The following ZNF831 variants were observed in gnomAD, a reference collection of about 807,000 sequenced individuals.
The protein encoded by ZNF831 is zinc finger protein 831.
Under a neutral mutation model 95.8 loss-of-function variants are expected in ZNF831, and 59 were observed. The ratio of observed to expected loss-of-function variants is 0.62; its 90% confidence interval spans 0.50 to 0.77. The LOEUF is 0.77. Ranked by LOEUF, ZNF831 falls within the 30% of genes least tolerant of loss-of-function variation. The pLI, the probability that ZNF831 is intolerant of heterozygous loss-of-function variation, is 0.00. For missense variants in ZNF831, 2,205 were observed against 2,164.0 expected (o/e 1.02, Z -0.38); for synonymous variants, 961 against 925.5 (o/e 1.04, Z -0.70).
At position 59,254,475 on chromosome 20, in the gene ZNF831, T is replaced by A. The variant is rs1988078738; in HGVS notation, c.4766T>A (p.Phe1589Tyr). 1.2e-6 allele frequency: 2 copies of A among 1,614,158 alleles called. No individual in the cohort carries two copies. The highest frequency in any genetic ancestry group is 2.2e-5 in the South Asian group (2 of 91,074). ...CACAAGGAAGGGAGACACAAGACGT[T>A]TTTTCCTTCCAGAGGCCAGTATGGG... The part of the protein sequence containing the change: ...SHHKEGRHKT[F>Y]FPSRGQYGCG... The change falls in exon 6 of 6, where the codon TTT (phenylalanine) becomes TAT (tyrosine). Residue 1589 changes from phenylalanine to tyrosine, a missense_variant. Transcript: ENST00000371030. The surrounding 1 kb of genome is among the most constrained non-coding windows in gnomAD (Gnocchi z 4.5).
At chr20:59,245,941 A>AC (rs1331683464) in intron 4 of ZNF831, among the ~76,000 whole-genome samples, 1 of 152,206 alleles carries the variant, frequency 6.6e-6, no homozygotes, top group African/African-American at 2.4e-5. Context: ...TTACCTAATT[A>AC]CACACACATA....
chr20:59,238,385 G>T (rs965886732), intron 4 of ZNF831, among the ~76,000 whole-genome samples: 2 of 152,116 alleles, frequency 1.3e-5, no homozygotes, highest in African/African-American at 2.4e-5. Flanking sequence ...AGTGCATCTC[G>T]ATTTCTCTCT....
chr20:59,126,276 G>A (rs570249014), intron 1 of ZNF831, among the ~76,000 whole-genome samples: 16 of 152,216 alleles, frequency 1.1e-4, no homozygotes, highest in African/African-American at 3.6e-4. Context: ...ATAACTTGCT[G>A]TAGGAACTCT....
At chr20:59,211,688 A>G (rs1985341514) in intron 4 of ZNF831, among the ~76,000 whole-genome samples, 1 of 152,158 alleles carries the variant, frequency 6.6e-6, no homozygotes, top group Admixed American at 6.5e-5. Context: ...CTGGCGGTCC[A>G]CCACTTATAA....
In ZNF831 at chr20:59,194,617, G is replaced by A. The variant is rs760941386; in HGVS notation, c.3598G>A (p.Ala1200Thr). ...TGTCCCTCTGCCCGCGGAGCAGAAG[G>A]CAAAGGCGGCATCTGTGTACTTGGC... is the stretch of plus-strand genomic sequence containing the variant. Reference protein sequence around the residue: ...RSVPLPAEQKAKAASVYLAVH... With the variant: ...RSVPLPAEQKTKAASVYLAVH... Residue 1200 changes from alanine to threonine, a missense_variant, in exon 2 of 6, where the codon GCA becomes ACA. Coordinates refer to ENST00000371030, the MANE Select transcript of ZNF831 (RefSeq NM_178457.3). 92 of 1,613,318 alleles carry A rather than the reference G, an allele frequency of 5.7e-5. No homozygotes were observed. The South Asian group carries it at 9.8e-4, about 17-fold the overall frequency.
intron 3 of ZNF831, among the ~76,000 whole-genome samples, chr20:59,205,033 G>C (rs1206497199): frequency 6.6e-6 from 1 of 152,132 alleles, no homozygotes; most frequent in Admixed American, 6.5e-5. Flanking sequence ...CAGAGGCGGG[G>C]CCTTTCCTAG....
In ZNF831 at chr20:59,191,858, G is replaced by A; in HGVS notation, c.839G>A (p.Trp280Ter). Residue 280 changes from tryptophan (W) to a stop codon, truncating the protein, a stop_gained, in exon 2 of 6, where the codon TGG becomes TAG. Transcript: ENST00000371030. LOFTEE classifies it high-confidence loss of function. Reference protein sequence around the residue: ...GSAFADREAPWDSAPMASPGL... With the variant: ...GSAFADREAP ...GCATTTGCCGACAGAGAGGCTCCTTGGGACTCTGCCCCCATGGCGTCACCT... is the reference window on the plus strand; with the variant it reads ...GCATTTGCCGACAGAGAGGCTCCTTAGGACTCTGCCCCCATGGCGTCACCT... 1 of 1,613,270 alleles carries A rather than the reference G, an allele frequency of 6.2e-7. No individual in the cohort carries two copies. Among genetic ancestry groups the A allele is most frequent in the Non-Finnish European group, 8.5e-7 (1 of 1,179,978 alleles).
At chr20:59,181,948 G>A (rs1247577532) in intron 1 of ZNF831, among the ~76,000 whole-genome samples, 1 of 152,100 alleles carries the variant, frequency 6.6e-6, no homozygotes, top group East Asian at 1.9e-4. Flanking sequence ...TCCTTGAGCA[G>A]TGGTTTGTAG....
intron 4 of ZNF831, among the ~76,000 whole-genome samples, chr20:59,210,008 G>C (rs541308201): frequency 6.6e-6 from 1 of 152,114 alleles, no homozygotes; most frequent in Non-Finnish European, 1.5e-5. Flanking sequence ...CCCATCCACA[G>C]GTTCCATGGA....
At chr20:59,181,010 A>G (rs1309978279) in intron 1 of ZNF831, among the ~76,000 whole-genome samples, 2 of 152,136 alleles carry the variant, frequency 1.3e-5, no homozygotes, top group Non-Finnish European at 2.9e-5. Context: ...AAGCATTCCT[A>G]TTTCTCCACA....
intron 1 of ZNF831, among the ~76,000 whole-genome samples, chr20:59,174,156 G>C (rs1027376070): frequency 6.6e-6 from 1 of 152,154 alleles, no homozygotes; most frequent in African/African-American, 2.4e-5. Flanking sequence ...GGCATGCATA[G>C]AGGAAGTGGG....
chr20:59,165,195 A>G (rs1981162918), intron 1 of ZNF831, among the ~76,000 whole-genome samples: 1 of 152,160 alleles, frequency 6.6e-6, no homozygotes, highest in African/African-American at 2.4e-5. Flanking sequence ...AGGGTTACCC[A>G]AAAGCACCTG....
At chr20:59,167,312 A>G (rs1601322749) in intron 1 of ZNF831, among the ~76,000 whole-genome samples, 1 of 151,314 alleles carries the variant, frequency 6.6e-6, no homozygotes, top group East Asian at 1.9e-4. Context: ...AAATTTTCAT[A>G]GTTCTGTATA....
At chr20:59,225,066 A>C (rs1053997400) in intron 4 of ZNF831, among the ~76,000 whole-genome samples, 1 of 151,662 alleles carries the variant, frequency 6.6e-6, no homozygotes, top group Non-Finnish European at 1.5e-5. Context: ...GTTGTGTTCC[A>C]TTGTGTTTAA....
chr20:59,230,146 A>C (rs1986645346), intron 4 of ZNF831, among the ~76,000 whole-genome samples: 1 of 152,238 alleles, frequency 6.6e-6, no homozygotes, highest in African/African-American at 2.4e-5. Context: ...GAATGTAATT[A>C]CTAGTCTAAA....
chr20:59,166,919 G>A (rs1405373539), intron 1 of ZNF831, among the ~76,000 whole-genome samples: 1 of 152,224 alleles, frequency 6.6e-6, no homozygotes, highest in Non-Finnish European at 1.5e-5. Flanking sequence ...GTGAACGTAA[G>A]TTTTCATTGT....
intron 4 of ZNF831, among the ~76,000 whole-genome samples, chr20:59,237,631 TTGTC>T (rs1490109904): frequency 2.5e-4 from 38 of 152,338 alleles, no homozygotes; most frequent in Admixed American, 1.4e-3. Flanking sequence ...ACTGTGAGCT[TTGTC>T]TGCTGAGTTT....
At chr20:59,233,732 C>T (rs1239140534) in intron 4 of ZNF831, among the ~76,000 whole-genome samples, 2 of 152,156 alleles carry the variant, frequency 1.3e-5, no homozygotes, top group African/African-American at 4.8e-5. Flanking sequence ...TACATCACTC[C>T]TCTGCTTTAT....
Position 59,256,421 on chromosome 20 carries a change from G to A in ZNF831, c.*1678G>A, listed in dbSNP as rs1988190203. On this transcript the variant is annotated 3_prime_UTR_variant, in exon 6 of 6. Coordinates refer to ENST00000371030, the MANE Select transcript of ZNF831 (RefSeq NM_178457.3). ...TGTACTTTTTAAACCCAACAAAAGC[G>A]ATGTGGTGATTATCTCCCTTTTCGA... 1.3e-5 allele frequency: 2 copies of A among 152,218 alleles called. No homozygotes were observed. Among genetic ancestry groups the A allele is most frequent in the South Asian group, 4.1e-4 (2 of 4,828 alleles). 9.4% of individuals were successfully genotyped at this position (152,218 alleles called of 1,614,324 possible).
Sources: allele counts gnomAD v4.1 joint callset (sites outside exome capture counted in the v4.1 genomes callset), GRCh38; gene constraint gnomAD v4.1.1; non-coding constraint Gnocchi (gnomAD v3.1); transcripts MANE v1.5; gene names NCBI Gene and HGNC (gene_info 2026-07-23, HGNC 2026-07-21).